Variants in GRM8 observed in about 807,000 individuals in gnomAD.
GRM8 encodes metabotropic glutamate receptor 8.
Under a neutral mutation model 87.2 loss-of-function variants are expected in GRM8, and 47 were observed. That is an observed-to-expected ratio of 0.54 (90% CI 0.43 to 0.69). The LOEUF is 0.69. Ranked by LOEUF, GRM8 falls within the 30% of genes least tolerant of loss-of-function variation. The probability of loss-of-function intolerance (pLI) is 0.00; values close to 1 mark genes in which losing one functional copy is unlikely to be tolerated. For synonymous variants in GRM8, 396 were observed against 404.5 expected (o/e 0.98, Z 0.25); for missense variants, 1,019 against 1,139.2 (o/e 0.89, Z 1.52).
intron 2 of GRM8, among the ~76,000 whole-genome samples, chr7:127,223,483 ACAC>A (rs1797098262): frequency 1.4e-5 from 2 of 138,146 alleles, no homozygotes; most frequent in African/African-American, 5.6e-5. Context: ...ACACACACAC[ACAC>A]AAAACTGTGG....
At chr7:126,557,804 A>G (rs937563622) in intron 8 of GRM8, among the ~76,000 whole-genome samples, 1 of 152,230 alleles carries the variant, frequency 6.6e-6, no homozygotes, top group Non-Finnish European at 1.5e-5. Context: ...TATATTGACA[A>G]AGTATGTGTA....
intron 8 of GRM8, among the ~76,000 whole-genome samples, chr7:126,565,354 G>A (rs953429822): frequency 1.2e-4 from 18 of 152,004 alleles, no homozygotes; most frequent in Admixed American, 7.2e-4. Flanking sequence ...ATTCAATAGA[G>A]TTAAATGATA....
chr7:127,126,357 T>C (rs1827371806), intron 2 of GRM8, among the ~76,000 whole-genome samples: 1 of 151,944 alleles, frequency 6.6e-6, no homozygotes, highest in East Asian at 1.9e-4. Flanking sequence ...GGCCATTGTC[T>C]TAAGTGAAAT....
At chr7:126,800,717 AGATT>A (rs1822572733) in intron 6 of GRM8, among the ~76,000 whole-genome samples, 1 of 152,184 alleles carries the variant, frequency 6.6e-6, no homozygotes. Flanking sequence ...AATAAATTCT[AGATT>A]AATTAACGTT....
intron 6 of GRM8, among the ~76,000 whole-genome samples, chr7:126,842,179 C>G (rs921247077): frequency 6.6e-6 from 1 of 151,966 alleles, no homozygotes; most frequent in Non-Finnish European, 1.5e-5. Flanking sequence ...GGTCAAATAG[C>G]AAGAGAAAAA....
At chr7:126,671,289 G>A (rs1473943762) in intron 7 of GRM8, among the ~76,000 whole-genome samples, 1 of 152,210 alleles carries the variant, frequency 6.6e-6, no homozygotes, top group Admixed American at 6.5e-5. Context: ...CCATGGCTGG[G>A]CTTGGCTTTA....
intron 9 of GRM8, among the ~76,000 whole-genome samples, chr7:126,503,442 A>G (rs1193101558): frequency 6.6e-6 from 1 of 152,036 alleles, no homozygotes; most frequent in Non-Finnish European, 1.5e-5. Context: ...TGGGATTATC[A>G]AATATTGACA....
chr7:126,743,716 C>T (rs913045471), intron 7 of GRM8, among the ~76,000 whole-genome samples: 3 of 152,028 alleles, frequency 2.0e-5, no homozygotes, highest in African/African-American at 7.2e-5. Flanking sequence ...CAGTCTGTTT[C>T]TTCTTACTTC....
chr7:126,923,386 T>C (rs112808364), intron 3 of GRM8, among the ~76,000 whole-genome samples: 5 of 152,330 alleles, frequency 3.3e-5, no homozygotes, highest in African/African-American at 1.2e-4. Flanking sequence ...GATACCCAAA[T>C]GTCAAAGGTT....
chr7:126,453,971 G>C (rs915439001), intron 9 of GRM8, among the ~76,000 whole-genome samples: 1 of 151,536 alleles, frequency 6.6e-6, no homozygotes, highest in African/African-American at 2.4e-5. Flanking sequence ...TGCTTCCATG[G>C]TAACTTTTGG....
At chr7:126,591,245 C>A (rs991691525) in intron 8 of GRM8, among the ~76,000 whole-genome samples, 15 of 151,964 alleles carry the variant, frequency 9.9e-5, no homozygotes, top group African/African-American at 3.6e-4. Context: ...TCAGACAAAA[C>A]AAACTTTAAA....
chr7:127,002,857 C>CT (rs771645397), intron 3 of GRM8, among the ~76,000 whole-genome samples: 7 of 151,674 alleles, frequency 4.6e-5, no homozygotes, highest in Non-Finnish European at 8.9e-5. Context: ...TTCACTTTCT[C>CT]TAGTGATCTT....
Position 127,225,206 on chromosome 7 carries a change from G to C in GRM8, c.510+17489C>G, listed in dbSNP as rs1797244396. ...GGTGGGGAGCACAGTCATTTCTGCT[G>C]TTCTGGGGGTACATCTAGGGTGGGA... On this transcript the variant is annotated intron_variant, in intron 2 of 10. Coordinates refer to ENST00000339582, the MANE Select transcript of GRM8 (RefSeq NM_000845.3). Among the ~76,000 whole-genome samples the C allele has an allele frequency of 2.0e-5, 3 of 152,192 alleles. No homozygotes were observed. In the South Asian group the frequency reaches 6.2e-4, roughly 31 times the overall value.
At chr7:126,802,242 C>T (rs149051358) in intron 6 of GRM8, among the ~76,000 whole-genome samples, 1 of 152,086 alleles carries the variant, frequency 6.6e-6, no homozygotes, top group African/African-American at 2.4e-5. Flanking sequence ...CAATATATGG[C>T]TTCTAACTGT....
intron 2 of GRM8, among the ~76,000 whole-genome samples, chr7:127,127,496 T>C (rs779078314): frequency 6.6e-6 from 1 of 152,062 alleles, no homozygotes; most frequent in African/African-American, 2.4e-5. Context: ...TGAATGAATC[T>C]CAAAACTATT....
intron 3 of GRM8, among the ~76,000 whole-genome samples, chr7:126,986,890 G>A (rs948444938): frequency 6.6e-6 from 1 of 152,132 alleles, no homozygotes; most frequent in Non-Finnish European, 1.5e-5. Context: ...TGCTACATCA[G>A]GCAATGTTTC....
intron 7 of GRM8, among the ~76,000 whole-genome samples, chr7:126,735,977 C>G (rs1312492724): frequency 6.6e-6 from 1 of 151,976 alleles, no homozygotes. Flanking sequence ...CAGAAGAGCC[C>G]AATATTTTTA....
intron 10 of GRM8, among the ~76,000 whole-genome samples, chr7:126,439,859 T>TGTGTGTGTGTGTGTGTGTGTG (rs1554431289): frequency 6.6e-6 from 1 of 151,588 alleles, no homozygotes; most frequent in African/African-American, 2.4e-5. Flanking sequence ...TGTGTGTGTC[T>TGTGTGTGTGTGTGTGTGTGTG]TAGTTTTTAA....
At chr7:127,198,898 T>C (rs1299319626) in intron 2 of GRM8, among the ~76,000 whole-genome samples, 2 of 149,492 alleles carry the variant, frequency 1.3e-5, no homozygotes, top group African/African-American at 5.0e-5. Flanking sequence ...TGGAGTGCAA[T>C]GGCGCAATCT....
Sources: allele counts gnomAD v4.1 joint callset (sites outside exome capture counted in the v4.1 genomes callset), GRCh38; gene constraint gnomAD v4.1.1; transcripts MANE v1.5; gene names NCBI Gene and HGNC (gene_info 2026-07-23, HGNC 2026-07-21).